Variants in CCSER1 observed in about 807,000 individuals in gnomAD.
The protein encoded by CCSER1 is serine-rich coiled-coil domain-containing protein 1.
CCSER1 carries 41 observed loss-of-function variants against 82.0 expected under a neutral mutation model. The ratio of observed to expected loss-of-function variants is 0.50; its 90% CI spans 0.39 to 0.65. The LOEUF is 0.65. Ranked by LOEUF, CCSER1 falls within the 30% of genes least tolerant of loss-of-function variation. CCSER1 has a pLI of 0.00. For missense variants in CCSER1, 1,119 were observed against 1,064.2 expected, an observed-to-expected ratio of 1.05 and a Z score of -0.72; for synonymous variants, 414 against 383.9, an observed-to-expected ratio of 1.08 and a Z score of -0.92.
chr4:91,382,173 G>T (rs773341852), intron 10 of CCSER1, among the ~76,000 whole-genome samples: 29 of 152,040 alleles, frequency 1.9e-4, no homozygotes, highest in Non-Finnish European at 3.7e-4. Flanking sequence ...TCTACTGGGG[G>T]GTTCCTCCCA....
chr4:91,080,949 C>T lies in CCSER1; in HGVS notation c.2173-5001C>T, dbSNP rs532441342. ...CAACCAAAAAAAGTCCAGGACCAGA[C>T]GGATTCACAGCCAAATTCTACCCAG... On this transcript the variant is annotated intron_variant, in intron 9 of 10. Transcript: ENST00000509176. 2.0e-4 allele frequency among the ~76,000 whole-genome samples: 31 copies of T among 152,192 alleles called. No individual in the cohort carries two copies. The East Asian group carries it at 2.3e-3, about 11-fold the overall frequency.
At chr4:90,951,399 A>G (rs1456100576) in intron 9 of CCSER1, 1 of 152,088 alleles carries the variant, frequency 6.6e-6, no homozygotes, top group Non-Finnish European at 1.5e-5. Context: ...TGTGAAGGGC[A>G]TCACTCCCTT....
At chr4:90,783,506 C>T (rs1167567980) in intron 7 of CCSER1, among the ~76,000 whole-genome samples, 1 of 152,108 alleles carries the variant, frequency 6.6e-6, no homozygotes, top group East Asian at 1.9e-4. Context: ...TAGGGAATCC[C>T]GCACACTTTG....
chr4:90,479,450 A>G (rs1209329115), intron 5 of CCSER1, among the ~76,000 whole-genome samples: 4 of 152,182 alleles, frequency 2.6e-5, no homozygotes, highest in African/African-American at 9.7e-5. Context: ...ACATATATAC[A>G]TGTGCCATGT....
intron 5 of CCSER1, among the ~76,000 whole-genome samples, chr4:90,548,348 G>C (rs1777039397): frequency 6.6e-6 from 1 of 152,070 alleles, no homozygotes; most frequent in Admixed American, 6.6e-5. Context: ...TCATCCTTCA[G>C]CCCCACATTC....
At chr4:91,100,553 C>G (rs1221551611) in intron 10 of CCSER1, among the ~76,000 whole-genome samples, 2 of 152,110 alleles carry the variant, frequency 1.3e-5, no homozygotes, top group Non-Finnish European at 2.9e-5. Context: ...CAAATCGGTT[C>G]TGAGGTAGCA....
At chr4:90,891,120 T>C (rs1722900521) in intron 8 of CCSER1, among the ~76,000 whole-genome samples, 1 of 151,910 alleles carries the variant, frequency 6.6e-6, no homozygotes, top group Non-Finnish European at 1.5e-5. Context: ...AAATGTAATC[T>C]ATTTTGAGAG....
At chr4:91,181,273 G>C (rs888075567) in intron 10 of CCSER1, among the ~76,000 whole-genome samples, 1 of 152,184 alleles carries the variant, frequency 6.6e-6, no homozygotes, top group African/African-American at 2.4e-5. Flanking sequence ...CAGGAGTCAG[G>C]ATCCACATCT....
At chr4:91,577,702 TAA>T (rs1763516673) in intron 10 of CCSER1, among the ~76,000 whole-genome samples, 1 of 152,054 alleles carries the variant, frequency 6.6e-6, no homozygotes, top group African/African-American at 2.4e-5. Context: ...TTCAAAATGC[TAA>T]GAGTCCCTAA....
chr4:91,300,831 T>A (rs1744608426), intron 10 of CCSER1, among the ~76,000 whole-genome samples: 1 of 151,918 alleles, frequency 6.6e-6, no homozygotes. Context: ...ATAACTAGGT[T>A]AGCATTAAGC....
At chr4:90,519,152 T>C (rs1772725277) in intron 5 of CCSER1, among the ~76,000 whole-genome samples, 2 of 151,900 alleles carry the variant, frequency 1.3e-5, no homozygotes, top group Admixed American at 1.3e-4. Context: ...AAAATCTCCA[T>C]TCATTCATTC....
Position 90,225,486 on chromosome 4 carries a change from T to A in CCSER1, c.-41-82758T>A, listed in dbSNP as rs114467647. ...TGAGTGGGACAGATTTCTATAGATC[T>A]ATTATCTCATTTGAGTCTCATGACA... On this transcript the variant is annotated intron_variant, in intron 1 of 10. Transcript: ENST00000509176. Among the ~76,000 whole-genome samples, 549 of 152,284 alleles carry A rather than the reference T, an allele frequency of 3.6e-3. 5 individuals are homozygous for A. The highest frequency in any genetic ancestry group is 0.014 in the Middle Eastern group (4 of 294).
chr4:91,423,225 A>G (rs1006807056), intron 10 of CCSER1, among the ~76,000 whole-genome samples: 2 of 152,080 alleles, frequency 1.3e-5, no homozygotes, highest in Non-Finnish European at 2.9e-5. Context: ...CAGGAGTTCA[A>G]GACCAGCGTG....
intron 9 of CCSER1, among the ~76,000 whole-genome samples, chr4:90,946,577 G>A (rs1188612131): frequency 1.3e-5 from 2 of 150,060 alleles, no homozygotes; most frequent in Non-Finnish European, 2.9e-5. Context: ...GTTACAGTGA[G>A]CCTAGATCAT....
At position 90,859,886 on chromosome 4, in the gene CCSER1, G is replaced by A. The variant is rs549720354; in HGVS notation, c.2094+44041G>A. ...ACACAGATTTTATTTCATATGTATGGCTTAGTCCTCAAATAGGTAAGACTT... is the reference window on the plus strand; with the variant it reads ...ACACAGATTTTATTTCATATGTATGACTTAGTCCTCAAATAGGTAAGACTT... On this transcript the variant is annotated intron_variant, in intron 8 of 10. Coordinates refer to ENST00000509176, the MANE Select transcript of CCSER1 (RefSeq NM_001145065.2). 3.3e-5 allele frequency among the ~76,000 whole-genome samples: 5 copies of A among 151,704 alleles called. No individual in the cohort carries two copies. The East Asian group carries it at 9.7e-4, about 29-fold the overall frequency.
intron 10 of CCSER1, among the ~76,000 whole-genome samples, chr4:91,366,951 A>G (rs1749655853): frequency 1.3e-5 from 2 of 152,078 alleles, no homozygotes; most frequent in Admixed American, 1.3e-4. Flanking sequence ...TGAAAATCAC[A>G]TATTAATTCA....
At chr4:91,408,001 C>T (rs768455280) in intron 10 of CCSER1, among the ~76,000 whole-genome samples, 2 of 152,022 alleles carry the variant, frequency 1.3e-5, no homozygotes, top group South Asian at 2.1e-4. Context: ...CCTGCACTTC[C>T]GGCTTGCTCA....
In CCSER1 at chr4:91,366,104, C is replaced by T. The variant is rs111629998; in HGVS notation, c.2218-232468C>T. On this transcript the variant is annotated intron_variant, in intron 10 of 10. Transcript: ENST00000509176. ...CACGATCTTGGCTCACTGCAACCTC[C>T]GCCTCCCAGGTTCAAGTGAGTCTCC... Among the ~76,000 whole-genome samples the T allele has an allele frequency of 9.0e-3, 1,368 of 152,214 alleles. 20 individuals carry two copies. Among genetic ancestry groups the T allele is most frequent in the African/African-American group, 0.032 (1,326 of 41,514 alleles).
intron 10 of CCSER1, among the ~76,000 whole-genome samples, chr4:91,331,710 A>T (rs1000332963): frequency 6.6e-6 from 1 of 152,148 alleles, no homozygotes; most frequent in African/African-American, 2.4e-5. Context: ...ATTTAAAAAG[A>T]TGTCAATTGA....
Sources: gnomAD v4.1 joint callset for allele counts (sites outside exome capture counted in the v4.1 genomes callset) on GRCh38, gnomAD v4.1.1 for gene constraint, MANE v1.5 for transcripts, NCBI Gene and HGNC (gene_info 2026-07-23, HGNC 2026-07-21) for gene names.